The following PBLD variants were observed in gnomAD, a reference collection of about 807,000 sequenced individuals.
PBLD encodes phenazine biosynthesis like protein domain containing, also known as phenazine biosynthesis-like domain-containing protein.
Under a neutral mutation model 31.3 loss-of-function variants are expected in PBLD, and 26 were observed. The ratio of observed to expected loss-of-function variants is 0.83; its 90% CI spans 0.61 to 1.15. PBLD has a LOEUF of 1.15. Among genes scored for constraint, PBLD ranks in the 50% most tolerant of loss-of-function variants. The pLI is 0.00. For synonymous variants in PBLD, 114 were observed against 129.0 expected (o/e 0.88, Z 0.79); for missense variants, 307 against 351.7 (o/e 0.87, Z 1.02).
At chr10:68,290,612 G>A (rs775844160) in intron 6 of PBLD, among the ~76,000 whole-genome samples, 2 of 152,052 alleles carry the variant, frequency 1.3e-5, no homozygotes, top group Non-Finnish European at 1.5e-5. Flanking sequence ...AGCTACTTGC[G>A]AGGCTGAGGC....
At chr10:68,286,873 G>GGTGGCTCCACGCCCATAA (rs1564723230) in intron 8 of PBLD, among the ~76,000 whole-genome samples, 75 of 151,646 alleles carry the variant, frequency 4.9e-4, no homozygotes, top group African/African-American at 1.7e-3. Flanking sequence ...TGGGGTGGGC[G>GGTGGCTCCACGCCCATAA]TCCCAGCACT....
intron 1 of PBLD, among the ~76,000 whole-genome samples, chr10:68,329,848 C>G (rs144964006): frequency 6.6e-6 from 1 of 152,294 alleles, no homozygotes; most frequent in East Asian, 1.9e-4. Context: ...CACGAAGGTT[C>G]ATAGTGTTTT....
At position 68,288,619 on chromosome 10, in the gene PBLD, C is replaced by T. The variant is rs370936520; in HGVS notation, c.555G>A (p.Leu185=). 1 of 1,614,164 alleles carries T rather than the reference C, an allele frequency of 6.2e-7. No individual in the cohort carries two copies. Among genetic ancestry groups the T allele is most frequent in the African/African-American group, 1.3e-5 (1 of 75,044 alleles). Residue 185 remains leucine (L), a synonymous_variant, in exon 8 of 10, where the codon CTG becomes CTA. Coordinates refer to ENST00000358769, the MANE Select transcript of PBLD (RefSeq NM_022129.4). The stretch of plus-strand genomic sequence containing the variant: ...TCACCTTCCCTGTGTTTTCAACTTG[C>T]AGCAGATTCTCCGTGTTCACTTTCA... ...ENLKVNTENL[L]QVENTGKVKG...
At position 68,288,933 on chromosome 10, in the gene PBLD, G is replaced by A; in HGVS notation, c.510C>T (p.Asn170=). 1 of 1,613,988 alleles carries A rather than the reference G, an allele frequency of 6.2e-7. No individual in the cohort carries two copies. The change falls in exon 7 of 10, where the codon AAC becomes AAT. Residue 170 remains asparagine, a splice_region_variant and synonymous_variant. Transcript: ENST00000358769. ...GCTGATGCAGCCAAAAATCTTACCT[G>A]TTGTAAACGTCACTGAGGCGGACGA... ...KLLVRLSDVY[N]RSFLENLKVN...
At chr10:68,313,973 C>T (rs2044702858) in intron 1 of PBLD, among the ~76,000 whole-genome samples, 1 of 151,786 alleles carries the variant, frequency 6.6e-6, no homozygotes, top group Non-Finnish European at 1.5e-5. Context: ...TTTATTTTTA[C>T]TTATTTATTT....
chr10:68,318,429 G>A (rs1437865272), intron 1 of PBLD, among the ~76,000 whole-genome samples: 3 of 147,470 alleles, frequency 2.0e-5, no homozygotes, highest in African/African-American at 7.5e-5. Flanking sequence ...AAAGGCTGAG[G>A]CTGGAGGTTC....
intron 6 of PBLD, among the ~76,000 whole-genome samples, chr10:68,289,325 C>G (rs558374272): frequency 6.6e-6 from 1 of 151,964 alleles, no homozygotes; most frequent in African/African-American, 2.4e-5. Flanking sequence ...GTCAGGAGCT[C>G]GAGACCAGGC....
In PBLD at chr10:68,288,979, G is replaced by A; in HGVS notation, c.464C>T (p.Ser155Phe). 1 of 1,614,160 alleles carries A rather than the reference G, an allele frequency of 6.2e-7. No homozygotes were observed. Among genetic ancestry groups the A allele is most frequent in the Non-Finnish European group, 8.5e-7 (1 of 1,180,014 alleles). ...GACGAGGAGCTTTTGGGTATCTGGA[G>A]AATAACAGATGTCCTGGACCAGTGT... ...GNTLVQDICY[S>F]PDTQKLLVRL... The change falls in exon 7 of 10, where the codon TCT becomes TTT. Residue 155 changes from serine to phenylalanine, a missense_variant. Ser to Phe is a radical substitution (Grantham distance 155). Transcript: ENST00000358769.
intron 1 of PBLD, among the ~76,000 whole-genome samples, chr10:68,327,466 T>G (rs2044940989): frequency 6.6e-6 from 1 of 151,544 alleles, no homozygotes; most frequent in South Asian, 2.1e-4. Flanking sequence ...GATCATGAGG[T>G]CAGGAGTTCA....
chr10:68,330,709 CGTGTGTGTGTGTGTGT>C (rs56166847), intron 1 of PBLD, among the ~76,000 whole-genome samples: 15,426 of 142,876 alleles, frequency 0.11, 868 homozygotes, highest in Middle Eastern at 0.17. Context: ...CCACGCCCGG[CGTGTGTGTGTGTGTGT>C]GTGTGTGTGT....
intron 6 of PBLD, 141 bp downstream of exon 6, chr10:68,291,869 G>T: frequency 1.1e-6 from 1 of 949,346 alleles, no homozygotes; most frequent in Non-Finnish European, 1.6e-6. Context: ...TCACCAAATA[G>T]ACTGAATATT....
chr10:68,284,169 A>G lies in PBLD; in HGVS notation c.*8T>C. 6.2e-7 allele frequency: 1 copy of G among 1,608,922 alleles called. No individual in the cohort carries two copies. Among genetic ancestry groups the G allele is most frequent in the Non-Finnish European group, 8.5e-7 (1 of 1,175,808 alleles). The stretch of plus-strand genomic sequence containing the variant: ...GTTAGAGACAGCAGCGTCACAGCAT[A>G]ACCACCTCTAGGCTGTCAGTGTGCC... On this transcript the variant is annotated 3_prime_UTR_variant, in exon 10 of 10. Coordinates refer to ENST00000358769, the MANE Select transcript of PBLD (RefSeq NM_022129.4).
intron 2 of PBLD, among the ~76,000 whole-genome samples, chr10:68,302,797 T>C (rs1589658037): frequency 6.7e-6 from 1 of 148,670 alleles, no homozygotes; most frequent in Non-Finnish European, 1.5e-5. Context: ...GCTATAATCA[T>C]GCCACTGTAC....
At chr10:68,285,262 C>T (rs754960573) in intron 9 of PBLD, 86 bp downstream of exon 9, 2 of 1,605,448 alleles carry the variant, frequency 1.2e-6, no homozygotes, top group Non-Finnish European at 1.7e-6. Flanking sequence ...CATTGTATTA[C>T]ATTTTCAAGG....
intron 1 of PBLD, among the ~76,000 whole-genome samples, chr10:68,330,126 A>C (rs1224699528): frequency 6.6e-6 from 1 of 152,096 alleles, no homozygotes; most frequent in Non-Finnish European, 1.5e-5. Context: ...TTTAATGATG[A>C]TAACACTGTC....
rs968924312 is a variant in PBLD, at chr10:68,285,094, C to T, written c.754+254G>A. On this transcript the variant is annotated intron_variant, in intron 9 of 9. Coordinates refer to ENST00000358769, the MANE Select transcript of PBLD (RefSeq NM_022129.4). ...ACCTCTCTGGGCCAAAGTTATACAG[C>T]TATTTTATTCAACAAACACTTATTG... The T allele has an allele frequency of 7.6e-6, 10 of 1,308,554 alleles. No homozygotes were observed. In the African/African-American group the frequency reaches 1.5e-4, roughly 20 times the overall value. The allele number at this position is 1,308,554 out of a possible 1,614,324, so 81.1% of individuals were successfully genotyped here. A position where few individuals can be genotyped will look rare whatever the true frequency, so the allele number is the denominator to read the frequency against.
At chr10:68,323,391 G>A (rs895421274) in intron 1 of PBLD, among the ~76,000 whole-genome samples, 3 of 152,012 alleles carry the variant, frequency 2.0e-5, no homozygotes, top group Non-Finnish European at 4.4e-5. Context: ...GGGAAAACCC[G>A]TCTCTACTAA....
intron 2 of PBLD, among the ~76,000 whole-genome samples, chr10:68,299,542 A>G (rs566020271): frequency 6.6e-6 from 1 of 152,292 alleles, no homozygotes; most frequent in South Asian, 2.1e-4. Flanking sequence ...CATGATTTTA[A>G]AACTACCGGC....
rs56166847 is a variant in PBLD, at chr10:68,330,709, C to CGTGTGTGTGTGTGTGT, written c.-60+2059_-60+2074dup. Among the ~76,000 whole-genome samples, 105 of 142,910 alleles carry CGTGTGTGTGTGTGTGT rather than the reference C, an allele frequency of 7.3e-4. 1 individual carries two copies. The highest frequency in any genetic ancestry group is 1.3e-3 in the Admixed American group (19 of 14,484). 93.8% of individuals were successfully genotyped at this position (142,910 alleles called of 152,430 possible). A position where few individuals can be genotyped will look rare whatever the true frequency, so the allele number is the denominator to read the frequency against. The stretch of plus-strand genomic sequence containing the variant: ...TACAGGGGCCCGCCACCACGCCCGG[C>CGTGTGTGTGTGTGTGT]GTGTGTGTGTGTGTGTGTGTGTGTG... On this transcript the variant is annotated intron_variant, in intron 1 of 9. Coordinates refer to ENST00000358769, the MANE Select transcript of PBLD (RefSeq NM_022129.4).
Sources: gnomAD v4.1 joint callset for allele counts (sites outside exome capture counted in the v4.1 genomes callset) on GRCh38, gnomAD v4.1.1 for gene constraint, MANE v1.5 for transcripts, NCBI Gene and HGNC (gene_info 2026-07-23, HGNC 2026-07-21) for gene names.